The following CRACD variants were observed in gnomAD, a reference collection of about 807,000 sequenced individuals.
CRACD encodes capping protein inhibiting regulator of actin dynamics.
CRACD carries 56 observed loss-of-function variants against 106.8 expected under a neutral mutation model. The ratio of observed to expected loss-of-function variants is 0.52; its 90% CI spans 0.42 to 0.66. The LOEUF (loss-of-function observed/expected upper bound fraction) is 0.66. CRACD is among the 30% of genes least tolerant of loss of function. The pLI is 0.00. For synonymous variants in CRACD, 754 were observed against 670.8 expected (o/e 1.12, Z -1.92); for missense variants, 1,730 against 1,623.2 (o/e 1.07, Z -1.13).
intron 2 of CRACD, among the ~76,000 whole-genome samples, chr4:56,197,565 T>A (rs959285208): frequency 2.0e-5 from 3 of 152,328 alleles, no homozygotes; most frequent in East Asian, 3.9e-4. Context: ...TTTTACAGTG[T>A]GTTTGTGAAA....
At chr4:56,268,160 A>G (rs1173436025) in intron 2 of CRACD, among the ~76,000 whole-genome samples, 3 of 152,244 alleles carry the variant, frequency 2.0e-5, no homozygotes, top group Non-Finnish European at 4.4e-5. Context: ...GGTTAAATAG[A>G]TGAGTAACCT....
At position 56,288,316 on chromosome 4, in the gene CRACD, T is replaced by C. The variant is rs147146037; in HGVS notation, c.-16-9898T>C. ...AGGGTATATTACGTGATGCTGAGGT[T>C]TGAGCTTCGTTTAATCCAGTCACCC... On this transcript the variant is annotated intron_variant, in intron 3 of 10. Coordinates refer to ENST00000682029, the MANE Select transcript of CRACD (RefSeq NM_001393381.1). Among the ~76,000 whole-genome samples the C allele has an allele frequency of 4.0e-3, 607 of 152,240 alleles. 6 individuals carry two copies. The highest frequency in any genetic ancestry group is 0.014 in the African/African-American group (583 of 41,542).
chr4:56,275,561 A>G (rs1440815679), intron 3 of CRACD, among the ~76,000 whole-genome samples: 1 of 152,228 alleles, frequency 6.6e-6, no homozygotes, highest in Non-Finnish European at 1.5e-5. Flanking sequence ...TAAATACTAC[A>G]TATGTTGATT....
intron 2 of CRACD, among the ~76,000 whole-genome samples, chr4:56,186,239 T>C (rs1737090491): frequency 6.6e-6 from 1 of 152,156 alleles, no homozygotes; most frequent in African/African-American, 2.4e-5. Flanking sequence ...ATACAGAACT[T>C]AAGAATTAGG....
At chr4:56,261,193 C>T (rs1194100146) in intron 2 of CRACD, among the ~76,000 whole-genome samples, 1 of 152,120 alleles carries the variant, frequency 6.6e-6, no homozygotes, top group Non-Finnish European at 1.5e-5. Flanking sequence ...ATTTTCCACC[C>T]AAAGTCAGTC....
chr4:56,314,961 G>T lies in CRACD; in HGVS notation c.1459G>T (p.Asp487Tyr). The change falls in exon 8 of 11, where the codon GAC (aspartate) becomes TAC (tyrosine). Residue 487 changes from aspartate to tyrosine, a missense_variant. Around this residue, in one of 5 missense-constraint regions of CRACD, gnomAD observed 1,620 missense variants for 1,481.6 expected, o/e 1.09. Coordinates refer to ENST00000682029, the MANE Select transcript of CRACD (RefSeq NM_001393381.1). The surrounding 1 kb of genome is among the most constrained non-coding windows in gnomAD (Gnocchi z 4.4). Reference protein sequence around the residue: ...PGPEEKREEGDTEPLLKQEGP... With the variant: ...PGPEEKREEGYTEPLLKQEGP... ...GCCCGAGGAAAAGAGAGAAGAAGGGGACACGGAGCCTCTCCTGAAACAAGA... is the reference window on the plus strand; with the variant it reads ...GCCCGAGGAAAAGAGAGAAGAAGGGTACACGGAGCCTCTCCTGAAACAAGA... 1 of 1,590,746 alleles carries T rather than the reference G, an allele frequency of 6.3e-7. No homozygotes were observed. The highest frequency in any genetic ancestry group is 8.5e-7 in the Non-Finnish European group (1 of 1,170,074).
chr4:56,133,115 AT>A (rs1441773462), intron 1 of CRACD, among the ~76,000 whole-genome samples: 9 of 152,296 alleles, frequency 5.9e-5, no homozygotes, highest in African/African-American at 2.2e-4. Flanking sequence ...GATTGGTTGG[AT>A]CCTGTCACCC....
chr4:56,120,506 C>A (rs943958007), intron 1 of CRACD, among the ~76,000 whole-genome samples: 2 of 152,096 alleles, frequency 1.3e-5, no homozygotes, highest in Non-Finnish European at 2.9e-5. Context: ...TATGACGCAG[C>A]CAACCAAATA....
Position 56,220,927 on chromosome 4 carries a change from C to T in CRACD, c.-189+41497C>T, listed in dbSNP as rs565722376. Among the ~76,000 whole-genome samples the T allele has an allele frequency of 4.6e-5, 7 of 152,178 alleles. No individual in the cohort carries two copies. In the South Asian group the frequency reaches 1.5e-3, roughly 32 times the overall value. ...GAAAGATAGATAGAAAGTAAAAACT[C>T]ACCAGATGGAGAAGTGAAAAGAAGG... On this transcript the variant is annotated intron_variant, in intron 2 of 10. Transcript: ENST00000682029.
At chr4:56,268,534 T>C (rs953004052) in intron 2 of CRACD, among the ~76,000 whole-genome samples, 2 of 152,154 alleles carry the variant, frequency 1.3e-5, no homozygotes, top group Non-Finnish European at 2.9e-5. Context: ...AGGCAACTGA[T>C]ATAAAAGGAA....
At chr4:56,097,439 A>AGCTAAGCAGGGTCGG (rs1733635119) in intron 1 of CRACD, 1 of 152,826 alleles carries the variant, frequency 6.5e-6, no homozygotes, top group Non-Finnish European at 1.5e-5. Flanking sequence ...TGATCTCGGA[A>AGCTAAGCAGGGTCGG]GCTAAGCAGG....
chr4:56,330,601 C>A lies in CRACD; in HGVS notation c.*2797C>A, dbSNP rs1479386988. On this transcript the variant is annotated 3_prime_UTR_variant, in exon 11 of 11. Transcript: ENST00000682029. ...GGAAAAGATCTTTCAATAAAAAATA[C>A]CCACGAGATCTTCGGCACTGATGGA... Among the ~76,000 whole-genome samples, 1 of 152,062 alleles carries A rather than the reference C, an allele frequency of 6.6e-6. No individual in the cohort carries two copies. Among genetic ancestry groups the A allele is most frequent in the Non-Finnish European group, 1.5e-5 (1 of 68,014 alleles).
chr4:56,285,745 A>G (rs754397935), intron 3 of CRACD, among the ~76,000 whole-genome samples: 1 of 152,146 alleles, frequency 6.6e-6, no homozygotes, highest in Non-Finnish European at 1.5e-5. Flanking sequence ...TGCTTACACC[A>G]TTCTTAGTGT....
At chr4:56,236,263 C>G (rs1739963713) in intron 2 of CRACD, among the ~76,000 whole-genome samples, 1 of 151,972 alleles carries the variant, frequency 6.6e-6, no homozygotes, top group Non-Finnish European at 1.5e-5. Flanking sequence ...CCAAAGAACA[C>G]CAAAAATCGT....
At chr4:56,196,538 A>G (rs1737619495) in intron 2 of CRACD, 2 of 152,710 alleles carry the variant, frequency 1.3e-5, no homozygotes, top group South Asian at 4.1e-4. Context: ...GATAAATTGT[A>G]CAATAACCTC....
Position 56,274,280 on chromosome 4 carries a change from G to A in CRACD, c.-17+1788G>A, listed in dbSNP as rs111840810. On this transcript the variant is annotated intron_variant, in intron 3 of 10. Coordinates refer to ENST00000682029, the MANE Select transcript of CRACD (RefSeq NM_001393381.1). ...AAGAGCGTGAACTTTTTGGCCTCAC[G>A]GTATCAGGATGAGGAACAGATAGTA... 7.6e-4 allele frequency among the ~76,000 whole-genome samples: 115 copies of A among 152,252 alleles called. 1 individual carries two copies. The highest frequency in any genetic ancestry group is 2.7e-3 in the African/African-American group (111 of 41,528).
intron 3 of CRACD, among the ~76,000 whole-genome samples, chr4:56,297,421 G>T (rs567918): frequency 0.7 from 106,561 of 151,868 alleles, 38,378 homozygotes; most frequent in African/African-American, 0.81. Flanking sequence ...CAAGACCCCA[G>T]CCCTACAAAA....
intron 4 of CRACD, among the ~76,000 whole-genome samples, chr4:56,306,232 G>A (rs1744685961): frequency 6.6e-6 from 1 of 152,148 alleles, no homozygotes; most frequent in East Asian, 1.9e-4. Context: ...GGTGGCTCAT[G>A]CCTGTAATCC....
chr4:56,066,892 T>C (rs78635919), intron 1 of CRACD, among the ~76,000 whole-genome samples: 2,603 of 152,086 alleles, frequency 0.017, 69 homozygotes, highest in African/African-American at 0.06. Flanking sequence ...TGAAAAACAG[T>C]CTAGAAGAGG....
Sources: allele counts gnomAD v4.1 joint callset (sites outside exome capture counted in the v4.1 genomes callset), GRCh38; gene constraint gnomAD v4.1.1; regional missense constraint gnomAD v4.1.1; non-coding constraint Gnocchi (gnomAD v3.1); transcripts MANE v1.5; gene names NCBI Gene and HGNC (gene_info 2026-07-23, HGNC 2026-07-21).